The following CLIC5 variants were observed in gnomAD, a reference collection of about 807,000 sequenced individuals.
CLIC5 encodes the protein CLIC family member 5.
CLIC5 carries 20 observed loss-of-function variants against 24.7 expected under a neutral mutation model. The ratio of observed to expected loss-of-function variants is 0.81; its 90% CI spans 0.57 to 1.18. CLIC5 has a LOEUF of 1.18. Ranked by LOEUF, CLIC5 falls within the 50% of genes most tolerant of loss-of-function variation. The pLI, the probability that CLIC5 is intolerant of heterozygous loss-of-function variation, is 0.00. For missense variants in CLIC5, 341 were observed against 326.1 expected (o/e 1.05, Z -0.35); for synonymous variants, 159 against 135.6 (o/e 1.17, Z -1.20).
At chr6:46,034,967 G>A (rs1767621068) in intron 1 of CLIC5, among the ~76,000 whole-genome samples, 3 of 152,186 alleles carry the variant, frequency 2.0e-5, no homozygotes. Flanking sequence ...TCTGTAAATA[G>A]AGCTACTAAT....
At chr6:45,891,247 A>G (rs1173895874) in intron 6 of CLIC5, among the ~76,000 whole-genome samples, 1 of 152,206 alleles carries the variant, frequency 6.6e-6, no homozygotes, top group Non-Finnish European at 1.5e-5. Flanking sequence ...AGAAATTACC[A>G]AAAAGAACAT....
chr6:45,938,715 T>C (rs1477686576), intron 4 of CLIC5, among the ~76,000 whole-genome samples: 1 of 152,186 alleles, frequency 6.6e-6, no homozygotes, highest in Non-Finnish European at 1.5e-5. Context: ...ATAGGAGAAC[T>C]GTAAATATGG....
At chr6:45,908,847 T>C (rs1762733235) in intron 5 of CLIC5, among the ~76,000 whole-genome samples, 1 of 152,200 alleles carries the variant, frequency 6.6e-6, no homozygotes, top group Non-Finnish European at 1.5e-5. Flanking sequence ...GCCTCGAAGA[T>C]CTGTCTAACG....
intron 4 of CLIC5, among the ~76,000 whole-genome samples, chr6:45,928,975 G>A (rs1453952972): frequency 6.6e-6 from 1 of 152,100 alleles, no homozygotes; most frequent in Non-Finnish European, 1.5e-5. Context: ...TCCAGGCCAG[G>A]CCAGGAGAAC....
intron 4 of CLIC5, among the ~76,000 whole-genome samples, chr6:45,936,190 G>A (rs1039733200): frequency 6.8e-6 from 1 of 147,354 alleles, no homozygotes. Context: ...TCAGAACAAC[G>A]GCTGACTTTT....
At chr6:45,936,870 C>T (rs1422830930) in intron 4 of CLIC5, among the ~76,000 whole-genome samples, 1 of 152,072 alleles carries the variant, frequency 6.6e-6, no homozygotes, top group Non-Finnish European at 1.5e-5. Flanking sequence ...TGGGATCTTG[C>T]CACCGAGTCA....
rs145695430 is a variant in CLIC5 at position 45,939,910 on chromosome 6, C to A, written c.406+1637G>T. Among the ~76,000 whole-genome samples, 499 of 151,742 alleles carry A rather than the reference C, an allele frequency of 3.3e-3. 2 individuals are homozygous for A. The highest frequency in any genetic ancestry group is 0.011 in the African/African-American group (472 of 41,292). ...ACACTACTCAACACACTATAGGGTTCAAGCAGCAATGAAGCAAGAGCACCA... is the reference window on the plus strand; with the variant it reads ...ACACTACTCAACACACTATAGGGTTAAAGCAGCAATGAAGCAAGAGCACCA... On this transcript the variant is annotated intron_variant, in intron 4 of 5. Coordinates refer to ENST00000339561, the MANE Select transcript of CLIC5 (RefSeq NM_016929.5).
At chr6:46,098,475 C>T in the CLIC5 span, among the ~76,000 whole-genome samples, 1 of 152,120 alleles carries the variant, frequency 6.6e-6, no homozygotes, top group Non-Finnish European at 1.5e-5. Context: ...TATAGGCAGG[C>T]TAAGCATGTG....
chr6:46,079,755 A>G (rs1016762252), exon 1 of CLIC5: 32 of 1,551,858 alleles, frequency 2.1e-5, no homozygotes, highest in Admixed American at 3.9e-5. Flanking sequence ...CTTTTCTTCC[A>G]AACCTTCAGC....
At chr6:45,908,453 G>C (rs1209434504) in intron 5 of CLIC5, among the ~76,000 whole-genome samples, 2 of 152,106 alleles carry the variant, frequency 1.3e-5, no homozygotes, top group African/African-American at 4.8e-5. Flanking sequence ...CTACATCCTA[G>C]AGATTTTGGT....
At chr6:45,921,036 AAG>A (rs1366077564) in intron 4 of CLIC5, among the ~76,000 whole-genome samples, 5 of 152,234 alleles carry the variant, frequency 3.3e-5, no homozygotes, top group Admixed American at 2.0e-4. Context: ...TCCTTAAAGA[AAG>A]AGAACAGTAG....
chr6:46,078,233 G>A (rs1287892759), intron 1 of CLIC5, among the ~76,000 whole-genome samples: 3 of 152,248 alleles, frequency 2.0e-5, no homozygotes, highest in African/African-American at 7.2e-5. Context: ...GGTGGCACAT[G>A]CCTGTAATCC....
the CLIC5 span, among the ~76,000 whole-genome samples, chr6:46,103,179 TA>T: frequency 6.6e-6 from 1 of 152,192 alleles, no homozygotes; most frequent in Non-Finnish European, 1.5e-5. Flanking sequence ...GCAAAACTTA[TA>T]ATTAAGATCT....
intron 3 of CLIC5, among the ~76,000 whole-genome samples, chr6:45,943,780 T>C (rs535145263): frequency 4.6e-5 from 7 of 152,256 alleles, no homozygotes; most frequent in Admixed American, 4.6e-4. Context: ...GAGGATCGTG[T>C]ATTCAGGGGG....
chr6:46,061,331 A>G (rs1436840318), intron 1 of CLIC5, among the ~76,000 whole-genome samples: 1 of 152,170 alleles, frequency 6.6e-6, no homozygotes, highest in Non-Finnish European at 1.5e-5. Flanking sequence ...CTGGGACTAC[A>G]GGCATGCACC....
chr6:45,981,911 T>A (rs543432148), intron 1 of CLIC5, among the ~76,000 whole-genome samples: 1 of 151,432 alleles, frequency 6.6e-6, no homozygotes, highest in African/African-American at 2.4e-5. Flanking sequence ...GGCAGGAGAA[T>A]CTCTTGAACC....
At chr6:46,123,930 AG>A in the CLIC5 span, among the ~76,000 whole-genome samples, 3 of 152,246 alleles carry the variant, frequency 2.0e-5, no homozygotes, top group Non-Finnish European at 2.9e-5. Context: ...ATGAAATAAA[AG>A]AGGATACAAA....
At chr6:46,094,952 G>T in the CLIC5 span, among the ~76,000 whole-genome samples, 48 of 152,338 alleles carry the variant, frequency 3.2e-4, no homozygotes, top group South Asian at 9.1e-3. Context: ...ATAATTCTCT[G>T]AAATCTAGGT....
chr6:45,988,917 G>A (rs1234611071), intron 1 of CLIC5, among the ~76,000 whole-genome samples: 1 of 152,160 alleles, frequency 6.6e-6, no homozygotes, highest in East Asian at 1.9e-4. Flanking sequence ...GACCTGGGGA[G>A]AAAGCTAAAG....
Sources: gnomAD v4.1 joint callset for allele counts (sites outside exome capture counted in the v4.1 genomes callset) on GRCh38, gnomAD v4.1.1 for gene constraint, MANE v1.5 for transcripts, NCBI Gene and HGNC (gene_info 2026-07-23, HGNC 2026-07-21) for gene names.